The following COQ8B variants were observed in gnomAD, a reference collection of about 807,000 sequenced individuals.
COQ8B encodes atypical kinase COQ8B, mitochondrial.
A neutral mutation model predicts 62.0 loss-of-function variants in COQ8B; 44 were observed. The observed-to-expected ratio is 0.71, with a 90% confidence interval of 0.56 to 0.91. COQ8B has a LOEUF of 0.91. Among genes scored for constraint, COQ8B ranks in the 40% least tolerant of loss-of-function variants. The probability of loss-of-function intolerance (pLI) is 0.00; values close to 1 mark genes in which losing one functional copy is unlikely to be tolerated. For missense variants in COQ8B, 649 were observed against 731.6 expected (o/e 0.89, Z 1.30); for synonymous variants, 252 against 289.9 (o/e 0.87, Z 1.33).
chr19:40,699,906 C>T (rs1446431082), intron 12 of COQ8B, among the ~76,000 whole-genome samples, 161 bp downstream of exon 12: 1 of 152,196 alleles, frequency 6.6e-6, no homozygotes, highest in Non-Finnish European at 1.5e-5. Flanking sequence ...GATGGCAAAA[C>T]CACAAAAGGG....
At chr19:40,716,069 G>A (rs1237453116) in intron 1 of COQ8B, 1 of 152,268 alleles carries the variant, frequency 6.6e-6, no homozygotes, top group African/African-American at 2.4e-5. Flanking sequence ...TTCCCGTACT[G>A]TGTGACCTCA....
chr19:40,711,951 G>GC (rs1375408184), intron 4 of COQ8B, among the ~76,000 whole-genome samples: 30 of 152,138 alleles, frequency 2.0e-4, no homozygotes, highest in African/African-American at 7.2e-4. Flanking sequence ...TCCCTGGGCA[G>GC]CCTGGTGCCA....
chr19:40,712,586 TCAAAAACAAAAA>T (rs1233503231), intron 4 of COQ8B, among the ~76,000 whole-genome samples: 1 of 151,926 alleles, frequency 6.6e-6, no homozygotes, highest in Non-Finnish European at 1.5e-5. Flanking sequence ...AGACTCCATC[TCAAAAACAAAAA>T]CAAAAACAAA....
At position 40,693,547 on chromosome 19, in the gene COQ8B, C is replaced by T. The variant is rs1051728847; in HGVS notation, c.1210-510G>A. Reference sequence around the variant, plus strand: ...AATGAGCGTGTGGAGCAGAGCAGCTCTCCAGCCATGAGCTCACACACACAG... The same window carrying T: ...AATGAGCGTGTGGAGCAGAGCAGCTTTCCAGCCATGAGCTCACACACACAG... On this transcript the variant is annotated intron_variant, in intron 13 of 14. Transcript: ENST00000324464. 2.6e-5 allele frequency among the ~76,000 whole-genome samples: 4 copies of T among 152,202 alleles called. No individual in the cohort carries two copies. In the South Asian group the frequency reaches 8.3e-4, roughly 31 times the overall value.
At position 40,695,992 on chromosome 19, in the gene COQ8B, G is replaced by GATGT. The variant is rs768670137; in HGVS notation, c.1202_1205dup (p.Glu403HisfsTer9). Reference sequence around the variant, plus strand: ...CTGGGGTCTGGGGGAGACTCACCTCGATGTAATGGTCTGTGAACTCTGTCC... The same window carrying GATGT: ...CTGGGGTCTGGGGGAGACTCACCTCGATGTATGTAATGGTCTGTGAACTCTGTCC... On this transcript the variant is annotated frameshift_variant, in exon 13 of 15. Coordinates refer to ENST00000324464, the MANE Select transcript of COQ8B (RefSeq NM_024876.4). LOFTEE classifies it high-confidence loss of function. The GATGT allele has an allele frequency of 6.8e-6, 11 of 1,614,118 alleles. No individual in the cohort carries two copies. Among genetic ancestry groups the GATGT allele is most frequent in the Non-Finnish European group, 9.3e-6 (11 of 1,180,008 alleles).
At chr19:40,715,011 TC>T in intron 1 of COQ8B, 1 of 609,208 alleles carries the variant, frequency 1.6e-6, no homozygotes, top group Non-Finnish European at 2.1e-6. Flanking sequence ...CCCCGCCCGA[TC>T]CCCACCCCGT....
At chr19:40,712,048 G>A (rs2082145970) in intron 4 of COQ8B, among the ~76,000 whole-genome samples, 1 of 151,492 alleles carries the variant, frequency 6.6e-6, no homozygotes, top group East Asian at 1.9e-4. Flanking sequence ...TTGAGACAGA[G>A]TTTCACTCTT....
intron 12 of COQ8B, among the ~76,000 whole-genome samples, chr19:40,699,456 T>C (rs2082044660): frequency 1.3e-5 from 2 of 150,860 alleles, no homozygotes. Flanking sequence ...TACGAACCAC[T>C]CTAGGTCATC....
In COQ8B at chr19:40,692,355, C is replaced by T. The variant is rs754012618; in HGVS notation, c.1315G>A (p.Val439Met). Residue 439 changes from valine (V) to methionine (M), a missense_variant, in exon 15 of 15, where the codon GTG becomes ATG. Transcript: ENST00000324464. ...TCCCCCAGGATCATCACTGCCTCCA[C>T]GTGGGCGTCGGAGAATGCCTGGGAG... ...FETKAFSDAH[V>M]EAVMILGEPF... The T allele has an allele frequency of 2.1e-5, 34 of 1,613,286 alleles. 1 individual carries two copies. The highest frequency in any genetic ancestry group is 2.0e-4 in the South Asian group (18 of 91,084).
intron 5 of COQ8B, among the ~76,000 whole-genome samples, chr19:40,707,707 G>A (rs999267883): frequency 6.6e-6 from 1 of 152,066 alleles, no homozygotes; most frequent in Non-Finnish European, 1.5e-5. Context: ...CACCTGCCTC[G>A]GCCTGCCAAA....
rs141658497 is a variant in COQ8B, at chr19:40,705,359, G to A, written c.456C>T (p.Ala152=). 34 of 1,598,342 alleles carry A rather than the reference G, an allele frequency of 2.1e-5. No homozygotes were observed. Among genetic ancestry groups the A allele is most frequent in the South Asian group, 3.3e-5 (3 of 90,522 alleles). ...IVQTLCTVRG[A]ALKVGQMLSI... is the part of the protein sequence containing the mutation. ...TGAGCATCTGGCCAACCTTGAGGGC[G>A]GCCCCTCGAACTGTACATAAGGTCT... The change falls in exon 6 of 15, where the codon GCC becomes GCT. Residue 152 remains alanine, a synonymous_variant. Transcript: ENST00000324464.
chr19:40,692,155 G>A lies in COQ8B; in HGVS notation c.1515C>T (p.His505=). The change falls in exon 15 of 15, where the codon CAC becomes CAT. Residue 505 remains histidine (H), a synonymous_variant. Coordinates refer to ENST00000324464, the MANE Select transcript of COQ8B (RefSeq NM_024876.4). ...AFLACAHLRA[H]IACRDLFQDT... ...CCTGGAAGAGGTCCCTGCAGGCGAT[G>A]TGGGCTCGGAGGTGGGCACAGGCCA... 1 of 1,600,764 alleles carries A rather than the reference G, an allele frequency of 6.2e-7. No homozygotes were observed. The highest frequency in any genetic ancestry group is 1.3e-5 in the African/African-American group (1 of 74,814).
At chr19:40,707,256 G>A (rs2082107613) in intron 5 of COQ8B, among the ~76,000 whole-genome samples, 1 of 150,768 alleles carries the variant, frequency 6.6e-6, no homozygotes, top group Non-Finnish European at 1.5e-5. Context: ...GTGACAGAGT[G>A]AGACCTTGTC....
chr19:40,710,988 G>A (rs554456919), intron 4 of COQ8B, among the ~76,000 whole-genome samples: 41 of 152,016 alleles, frequency 2.7e-4, no homozygotes, highest in African/African-American at 6.3e-4. Context: ...AAAATCAGCC[G>A]GGCGTGGTGG....
Position 40,705,389 on chromosome 19 carries a change from A to C in COQ8B, c.426T>G (p.Ile142Met). 4 of 1,596,630 alleles carry C rather than the reference A, an allele frequency of 2.5e-6. No individual in the cohort carries two copies. Among genetic ancestry groups the C allele is most frequent in the Non-Finnish European group, 3.4e-6 (4 of 1,166,240 alleles). ...PFLSEANAER[I>M]VQTLCTVRGA... ...CTCGAACTGTACATAAGGTCTGCAC[A>C]ATCCGCTCGGCATTGGCCTCCGACA... The change falls in exon 6 of 15, where the codon ATT becomes ATG. Residue 142 changes from isoleucine to methionine, a missense_variant. By Grantham distance (10) the Ile-to-Met change is conservative (BLOSUM62 1). Transcript: ENST00000324464.
chr19:40,708,261 G>C (rs991506997), intron 5 of COQ8B: 1 of 152,090 alleles, frequency 6.6e-6, no homozygotes, highest in Non-Finnish European at 1.5e-5. Flanking sequence ...CAGGGTAAGA[G>C]GATCTCTTGA....
At chr19:40,697,876 A>AGAGT (rs1316282364) in intron 12 of COQ8B, among the ~76,000 whole-genome samples, 1 of 71,236 alleles carries the variant, frequency 1.4e-5, no homozygotes, top group Non-Finnish European at 3.3e-5. Flanking sequence ...AGAGAGAGAG[A>AGAGT]GTTTCTACTG....
intron 14 of COQ8B, 34 bp from the exon 15 acceptor site, chr19:40,692,407 C>A (rs1226231921): frequency 6.3e-7 from 1 of 1,589,448 alleles, no homozygotes; most frequent in Admixed American, 1.7e-5. Flanking sequence ...GCAAAGGCAG[C>A]CAGTGTGGAC....
chr19:40,708,004 G>C (rs546660956), intron 5 of COQ8B: 32 of 151,884 alleles, frequency 2.1e-4, no homozygotes, highest in Non-Finnish European at 4.0e-4. Flanking sequence ...TGTGTACCTG[G>C]GTTTATATGC....
Sources: allele counts gnomAD v4.1 joint callset (sites outside exome capture counted in the v4.1 genomes callset), GRCh38; gene constraint gnomAD v4.1.1; transcripts MANE v1.5; gene names NCBI Gene and HGNC (gene_info 2026-07-23, HGNC 2026-07-21).